Variants in CST6 observed in about 807,000 individuals in gnomAD.
CST6 encodes cystatin E/M, also known as cystatin-M.
Under a neutral mutation model 10.7 loss-of-function variants are expected in CST6, and 8 were observed. That is an observed-to-expected ratio of 0.75 (90% CI 0.44 to 1.34). The LOEUF is 1.34. Among genes scored for constraint, CST6 ranks in the 40% most tolerant of loss-of-function variants. CST6 has a pLI of 0.01. For missense variants in CST6, 206 were observed against 205.1 expected (o/e 1.00, Z -0.03); for synonymous variants, 100 against 89.3 (o/e 1.12, Z -0.68).
intron 1 of CST6, among the ~76,000 whole-genome samples, chr11:66,012,491 C>T (rs1179929074): frequency 6.6e-6 from 1 of 152,240 alleles, no homozygotes; most frequent in Non-Finnish European, 1.5e-5. Context: ...ATTGCACTAC[C>T]TGCCTTCCTG....
intron 1 of CST6, among the ~76,000 whole-genome samples, 152 bp from the exon 2 acceptor site, chr11:66,012,672 CCA>C (rs1856180771): frequency 3.9e-5 from 2 of 50,698 alleles, no homozygotes; most frequent in African/African-American, 1.5e-4. Flanking sequence ...ACTCCCCCCC[CCA>C]CCCCCCCCCA....
chr11:66,012,815 T>C lies in CST6; in HGVS notation c.241-11T>C. The C allele has an allele frequency of 6.3e-7, 1 of 1,597,342 alleles. No individual in the cohort carries two copies. Among genetic ancestry groups the C allele is most frequent in the East Asian group, 2.3e-5 (1 of 44,438 alleles). On this transcript the variant is annotated splice_polypyrimidine_tract_variant and intron_variant, in intron 1 of 2. Transcript: ENST00000312134. The stretch of plus-strand genomic sequence containing the variant: ...CAAGACCCCTGACCTGCCCCTACCC[T>C]ATGCCCCCAGCTGGTGGCCGGCATC...
Position 66,012,089 on chromosome 11 carries a change from C to A in CST6, c.45C>A (p.Val15=). Residue 15 remains valine (V), a synonymous_variant, in exon 1 of 3, where the codon GTC becomes GTA. Coordinates refer to ENST00000312134, the MANE Select transcript of CST6 (RefSeq NM_001323.4). ...NLPLALGLAL[V]AFCLLALPRD... is the part of the protein sequence containing the mutation. ...CGCTGGCGCTGGGCCTGGCCCTGGT[C>A]GCATTCTGCCTCCTGGCGCTGCCAC... is the stretch of plus-strand genomic sequence containing the variant. 1.3e-6 allele frequency: 2 copies of A among 1,567,330 alleles called. No individual in the cohort carries two copies. Among genetic ancestry groups the A allele is most frequent in the Non-Finnish European group, 1.7e-6 (2 of 1,164,984 alleles).
chr11:66,012,171 C>T lies in CST6; in HGVS notation c.127C>T (p.Pro43Ser). The T allele has an allele frequency of 6.4e-7, 1 of 1,565,140 alleles. No homozygotes were observed. The highest frequency in any genetic ancestry group is 1.2e-5 in the South Asian group (1 of 85,738). ...RMVGELRDLS[P>S]DDPQVQKAAQ... ...GGTCGGAGAACTCCGGGACCTGTCG[C>T]CCGACGACCCGCAGGTGCAGAAGGC... The change falls in exon 1 of 3, where the codon CCC becomes TCC. Residue 43 changes from proline (P) to serine (S), a missense_variant. Physicochemically the swap from Pro to Ser is moderately conservative, Grantham distance 74. Coordinates refer to ENST00000312134, the MANE Select transcript of CST6 (RefSeq NM_001323.4).
Position 66,013,319 on chromosome 11 carries a change from G to C in CST6, c.369G>C (p.Lys123Asn), listed in dbSNP as rs1856189879. The change falls in exon 3 of 3, where the codon AAG becomes AAC. Residue 123 changes from lysine to asparagine, a missense_variant and splice_region_variant. Physicochemically the swap from Lys to Asn is moderately conservative, Grantham distance 94. Transcript: ENST00000312134. ...CPLAAGAQQE[K>N]LRCDFEVLVV... ...TCTCCCCCATATTCCCTCCACAGAA[G>C]CTGCGCTGTGACTTTGAGGTCCTTG... 6.2e-7 allele frequency: 1 copy of C among 1,613,924 alleles called. No individual in the cohort carries two copies. Among genetic ancestry groups the C allele is most frequent in the African/African-American group, 1.3e-5 (1 of 74,912 alleles).
rs779513686 is a variant in CST6, at chr11:66,012,101, C to A, written c.57C>A (p.Leu19=). ...ALGLALVAFC[L]LALPRDARAR... is the part of the protein sequence containing the mutation. The stretch of plus-strand genomic sequence containing the variant: ...GCCTGGCCCTGGTCGCATTCTGCCT[C>A]CTGGCGCTGCCACGCGACGCCCGGG... The change falls in exon 1 of 3, where the codon CTC becomes CTA. Residue 19 remains leucine (L), a synonymous_variant. Coordinates refer to ENST00000312134, the MANE Select transcript of CST6 (RefSeq NM_001323.4). The A allele has an allele frequency of 6.4e-7, 1 of 1,561,862 alleles. No homozygotes were observed. The highest frequency in any genetic ancestry group is 8.6e-7 in the Non-Finnish European group (1 of 1,161,724).
At chr11:66,013,168 T>C in intron 2 of CST6, 149 bp from the exon 3 acceptor site, 1 of 973,726 alleles carries the variant, frequency 1.0e-6, no homozygotes, top group South Asian at 1.3e-5. Context: ...ATCTGGAGTC[T>C]AGCCCCAGAC....
rs771674675 is a variant in CST6 at position 66,012,962 on chromosome 11, GGCTCCTCCA to G, written c.366+14_366+22del. The G allele has an allele frequency of 6.2e-7, 1 of 1,612,592 alleles. No homozygotes were observed. The highest frequency in any genetic ancestry group is 1.7e-5 in the Admixed American group (1 of 59,906). On this transcript the variant is annotated intron_variant, in intron 2 of 2. Coordinates refer to ENST00000312134, the MANE Select transcript of CST6 (RefSeq NM_001323.4). ...GGGGCGCAGCAGGAGGTAACAGCTG[GGCTCCTCCA>G]GCCCCAGCCCTCCCCAGAGCCTCAG...
At position 66,013,445 on chromosome 11, in the gene CST6, A is replaced by G. The variant is rs1856191554; in HGVS notation, c.*45A>G. On this transcript the variant is annotated 3_prime_UTR_variant, in exon 3 of 3. Coordinates refer to ENST00000312134, the MANE Select transcript of CST6 (RefSeq NM_001323.4). Reference sequence around the variant, plus strand: ...GCCATTGGGTTTGGGGCCATGGTGGAGGGCACTTCAGGTCCGTGGGCCGTA... The same window carrying G: ...GCCATTGGGTTTGGGGCCATGGTGGGGGGCACTTCAGGTCCGTGGGCCGTA... 1 of 1,459,552 alleles carries G rather than the reference A, an allele frequency of 6.9e-7. No individual in the cohort carries two copies. Among genetic ancestry groups the G allele is most frequent in the South Asian group, 1.1e-5 (1 of 87,970 alleles). 90.4% of individuals were successfully genotyped at this position (1,459,552 alleles called of 1,614,324 possible).
intron 2 of CST6, 123 bp downstream of exon 2, chr11:66,013,074 C>T: frequency 1.5e-6 from 2 of 1,355,450 alleles, no homozygotes; most frequent in Non-Finnish European, 2.1e-6. Flanking sequence ...TGTCGTCCTT[C>T]TGGATGAGTC....
chr11:66,012,043 C>A lies in CST6; in HGVS notation c.-2C>A. The A allele has an allele frequency of 6.4e-7, 1 of 1,552,530 alleles. No individual in the cohort carries two copies. The highest frequency in any genetic ancestry group is 1.4e-5 in the African/African-American group (1 of 73,480). ...CTGAGGGCTCCGACGGCACTGACGG[C>A]CATGGCGCGTTCGAACCTCCCGCTG... On this transcript the variant is annotated 5_prime_UTR_variant, in exon 1 of 3. Coordinates refer to ENST00000312134, the MANE Select transcript of CST6 (RefSeq NM_001323.4).
intron 1 of CST6, 24 bp from the exon 2 acceptor site, chr11:66,012,802 C>G: frequency 2.5e-6 from 4 of 1,586,588 alleles, no homozygotes; most frequent in Non-Finnish European, 3.4e-6. Context: ...AGACCCCTGA[C>G]CTGCCCCTAC....
rs745727672 is a variant in CST6, at chr11:66,012,840, C to T, written c.255C>T (p.Ile85=). ...IKAQSQLVAG[I]KYFLTMEMGS... ...TATGCCCCCAGCTGGTGGCCGGCAT[C>T]AAGTACTTCCTGACGATGGAGATGG... The change falls in exon 2 of 3, where the codon ATC becomes ATT. Residue 85 remains isoleucine, a synonymous_variant. Transcript: ENST00000312134. 7.5e-6 allele frequency: 12 copies of T among 1,606,484 alleles called. No homozygotes were observed. The highest frequency in any genetic ancestry group is 1.0e-5 in the Non-Finnish European group (12 of 1,174,012).
chr11:66,012,989 A>G, intron 2 of CST6, 38 bp downstream of exon 2: 1 of 1,609,022 alleles, frequency 6.2e-7, no homozygotes. Context: ...CCCTCCCCAG[A>G]GCCTCAGGCA....
intron 1 of CST6, 152 bp from the exon 2 acceptor site, chr11:66,012,674 A>ACCCCCCCCCCCCCC (rs1420287294): frequency 4.1e-4 from 17 of 41,434 alleles, no homozygotes; most frequent in Non-Finnish European, 6.7e-4. Context: ...TCCCCCCCCC[A>ACCCCCCCCCCCCCC]CCCCCCCCCA....
chr11:66,012,119 C>T lies in CST6; in HGVS notation c.75C>T (p.Asp25=), dbSNP rs1131544. Reference sequence around the variant, plus strand: ...TCTGCCTCCTGGCGCTGCCACGCGACGCCCGGGCCCGGCCGCAGGAGCGCA... The same window carrying T: ...TCTGCCTCCTGGCGCTGCCACGCGATGCCCGGGCCCGGCCGCAGGAGCGCA... ...VAFCLLALPR[D]ARARPQERMV... is the part of the protein sequence containing the mutation. Residue 25 remains aspartate, a synonymous_variant, in exon 1 of 3, where the codon GAC becomes GAT. Coordinates refer to ENST00000312134, the MANE Select transcript of CST6 (RefSeq NM_001323.4). 0.14 allele frequency: 220,041 copies of T among 1,549,766 alleles called. 17,066 individuals are homozygous for T. The highest frequency in any genetic ancestry group is 0.18 in the Middle Eastern group (778 of 4,428).
At chr11:66,012,401 A>AT in intron 1 of CST6, 117 bp downstream of exon 1, 3 of 1,292,726 alleles carry the variant, frequency 2.3e-6, no homozygotes, top group Non-Finnish European at 3.1e-6. Flanking sequence ...TTCATGCAAT[A>AT]TTTTAAAAAT....
rs1458288964 is a variant in CST6 at position 66,012,223 on chromosome 11, A to G, written c.179A>G (p.Asn60Ser). 6.2e-7 allele frequency: 1 copy of G among 1,602,744 alleles called. No individual in the cohort carries two copies. The highest frequency in any genetic ancestry group is 1.1e-5 in the South Asian group (1 of 89,260). ...GCGCAGGCGGCCGTGGCCAGCTACA[A>G]CATGGGCAGCAACAGCATCTACTAC... The part of the protein sequence containing the change: ...KAAQAAVASY[N>S]MGSNSIYYFR... The change falls in exon 1 of 3, where the codon AAC (asparagine) becomes AGC (serine). Residue 60 changes from asparagine (N) to serine (S), a missense_variant. By Grantham distance (46) the Asn-to-Ser change is conservative. Transcript: ENST00000312134.
intron 2 of CST6, 136 bp downstream of exon 2, chr11:66,013,087 C>A (rs752712390): frequency 7.9e-7 from 1 of 1,268,892 alleles, no homozygotes; most frequent in South Asian, 1.3e-5. Flanking sequence ...GATGAGTCAG[C>A]CTCTGGGCCA....
Sources: allele counts gnomAD v4.1 joint callset (sites outside exome capture counted in the v4.1 genomes callset), GRCh38; gene constraint gnomAD v4.1.1; transcripts MANE v1.5; gene names NCBI Gene and HGNC (gene_info 2026-07-23, HGNC 2026-07-21).